Variants in FBN1 observed in about 807,000 individuals in gnomAD.
FBN1 encodes the protein fibrillin 1, also known as fibrillin-1.
Under a neutral mutation model 365.1 loss-of-function variants are expected in FBN1, and 29 were observed. That is an observed-to-expected ratio of 0.08 (90% CI 0.06 to 0.11). The LOEUF is 0.11. FBN1 is among the 10% of genes least tolerant of loss of function. The probability of loss-of-function intolerance (pLI) is 1.00; values close to 1 mark genes in which losing one functional copy is unlikely to be tolerated. For synonymous variants in FBN1, 1,210 were observed against 1,270.5 expected, an observed-to-expected ratio of 0.95 and a Z score of 1.01; for missense variants, 2,476 against 3,703.2, an observed-to-expected ratio of 0.67 and a Z score of 8.60.
intron 49 of FBN1, among the ~76,000 whole-genome samples, chr15:48,442,158 A>G (rs1466039656): frequency 6.6e-6 from 1 of 152,178 alleles, no homozygotes; most frequent in Non-Finnish European, 1.5e-5. Flanking sequence ...ATAGTACCCT[A>G]GGCCAGGAAA....
chr15:48,524,921 A>G (rs1309274864), intron 9 of FBN1, among the ~76,000 whole-genome samples: 1 of 152,226 alleles, frequency 6.6e-6, no homozygotes, highest in African/African-American at 2.4e-5. Flanking sequence ...AGTAACTTTT[A>G]AAATGTGAAC....
At chr15:48,540,935 ATTATC>A (rs1171173421) in intron 6 of FBN1, among the ~76,000 whole-genome samples, 2 of 152,116 alleles carry the variant, frequency 1.3e-5, no homozygotes, top group Admixed American at 1.3e-4. Context: ...ACTCTATGGA[ATTATC>A]TTATATATGA....
chr15:48,536,990 C>T (rs1262918131), intron 7 of FBN1, among the ~76,000 whole-genome samples: 2 of 152,112 alleles, frequency 1.3e-5, no homozygotes, highest in East Asian at 3.9e-4. Context: ...TCCTGCCAGA[C>T]ATCCAGACAA....
intron 2 of FBN1, among the ~76,000 whole-genome samples, chr15:48,614,882 A>T (rs902939614): frequency 6.6e-6 from 1 of 152,224 alleles, no homozygotes; most frequent in Admixed American, 6.5e-5. Flanking sequence ...TTACTCAGCC[A>T]GTGGAAACAC....
intron 9 of FBN1, 95 bp from the exon 10 acceptor site, chr15:48,520,912 G>A: frequency 6.6e-7 from 1 of 1,519,436 alleles, no homozygotes; most frequent in Non-Finnish European, 9.0e-7. Context: ...TTCACACTGG[G>A]GCTACGGCAG....
Position 48,422,003 on chromosome 15 carries a change from A to G in FBN1, c.7519T>C (p.Phe2507Leu). 6 of 1,614,156 alleles carry G rather than the reference A, an allele frequency of 3.7e-6. No individual in the cohort carries two copies. The highest frequency in any genetic ancestry group is 4.2e-6 in the Non-Finnish European group (5 of 1,179,986). The change falls in exon 61 of 66, where the codon TTC becomes CTC. Residue 2507 changes from phenylalanine to leucine, a missense_variant. Around this residue, in one of 5 missense-constraint regions of FBN1, gnomAD observed 1,780 missense variants for 2,840.8 expected, o/e 0.63. Transcript: ENST00000316623. ...QFLCVNTIGG[F>L]TCKCPPGFTQ... ...AATCCGGGAGGACATTTGCATGTGA[A>G]GCCGCCAATGGTGTTAACACATAGG...
intron 13 of FBN1, among the ~76,000 whole-genome samples, chr15:48,512,377 G>C (rs146284840): frequency 1.4e-3 from 218 of 152,216 alleles, no homozygotes; most frequent in African/African-American, 4.9e-3. Flanking sequence ...TTGTTAAATA[G>C]GTAAACTTCT....
chr15:48,431,299 C>G (rs1023547251), intron 55 of FBN1, among the ~76,000 whole-genome samples: 1 of 151,780 alleles, frequency 6.6e-6, no homozygotes, highest in African/African-American at 2.4e-5. Context: ...TGGGGTTTCA[C>G]CATGTTGTCC....
intron 43 of FBN1, among the ~76,000 whole-genome samples, chr15:48,457,030 T>G (rs2043246217): frequency 6.6e-6 from 1 of 152,124 alleles, no homozygotes; most frequent in African/African-American, 2.4e-5. Context: ...GGAGATATCT[T>G]TGTATCCTCT....
In FBN1 at chr15:48,503,511, A is replaced by C. The variant is rs915404684; in HGVS notation, c.2113+276T>G. On this transcript the variant is annotated intron_variant, in intron 17 of 65. Transcript: ENST00000316623. ...GCAAACATCATGAAACAACTTTAGAAAACAAGGCAAGGTGCATGTATTGCA... is the reference window on the plus strand; with the variant it reads ...GCAAACATCATGAAACAACTTTAGACAACAAGGCAAGGTGCATGTATTGCA... Among the ~76,000 whole-genome samples, 379 of 152,326 alleles carry C rather than the reference A, an allele frequency of 2.5e-3. 1 individual carries two copies. The highest frequency in any genetic ancestry group is 8.9e-3 in the African/African-American group (372 of 41,574).
chr15:48,597,704 G>A (rs773118067), intron 5 of FBN1, among the ~76,000 whole-genome samples: 2 of 152,194 alleles, frequency 1.3e-5, no homozygotes, highest in Non-Finnish European at 2.9e-5. Context: ...ATTATGGCAG[G>A]AGGCCATTAC....
chr15:48,601,299 A>G (rs1299142988), intron 4 of FBN1, among the ~76,000 whole-genome samples: 1 of 152,194 alleles, frequency 6.6e-6, no homozygotes, highest in Non-Finnish European at 1.5e-5. Flanking sequence ...TAGGTCAGTA[A>G]TTTAGGAATG....
At chr15:48,609,653 C>T (rs2044642132) in intron 4 of FBN1, among the ~76,000 whole-genome samples, 1 of 152,194 alleles carries the variant, frequency 6.6e-6, no homozygotes, top group Non-Finnish European at 1.5e-5. Context: ...GGTTAAAAGT[C>T]TGCTTCCAGG....
At chr15:48,506,196 C>T (rs893970305) in intron 15 of FBN1, among the ~76,000 whole-genome samples, 3 of 152,068 alleles carry the variant, frequency 2.0e-5, no homozygotes, top group African/African-American at 7.2e-5. Context: ...GCACTCCATC[C>T]AGCCTGGGAG....
chr15:48,413,320 A>C (rs776079125), intron 64 of FBN1, among the ~76,000 whole-genome samples: 1 of 152,218 alleles, frequency 6.6e-6, no homozygotes, highest in East Asian at 1.9e-4. Context: ...TTAATAATAA[A>C]CTATGAAGAT....
intron 2 of FBN1, among the ~76,000 whole-genome samples, chr15:48,628,351 C>T (rs1164871889): frequency 6.6e-6 from 1 of 150,962 alleles, no homozygotes; most frequent in Admixed American, 6.6e-5. Context: ...AATGAAGGTA[C>T]AAAAATTCAC....
intron 63 of FBN1, among the ~76,000 whole-genome samples, chr15:48,419,221 A>G (rs776596133): frequency 5.3e-5 from 8 of 152,198 alleles, no homozygotes; most frequent in Non-Finnish European, 8.8e-5. Flanking sequence ...TTGTTTTTTT[A>G]GAGTGTCCAG....
At chr15:48,486,965 T>G in intron 29 of FBN1, 110 bp downstream of exon 29, 1 of 847,556 alleles carries the variant, frequency 1.2e-6, no homozygotes, top group Non-Finnish European at 1.6e-6. Flanking sequence ...TCAGAGTACA[T>G]AGAGTGTTTT....
intron 60 of FBN1, 38 bp from the exon 61 acceptor site, chr15:48,422,106 A>C (rs757587607): frequency 1.4e-6 from 2 of 1,417,080 alleles, no homozygotes; most frequent in East Asian, 4.6e-5. Flanking sequence ...GAGTCAAGCC[A>C]ACAAAACAGG....
Sources: gnomAD v4.1 joint callset for allele counts (sites outside exome capture counted in the v4.1 genomes callset) on GRCh38, gnomAD v4.1.1 for gene constraint, gnomAD v4.1.1 regional missense constraint, MANE v1.5 for transcripts, NCBI Gene and HGNC (gene_info 2026-07-23, HGNC 2026-07-21) for gene names.